The following CANX variants were observed in gnomAD, a reference collection of about 807,000 sequenced individuals.
CANX encodes epididymis secretory sperm binding protein.
In CANX, 14 loss-of-function variants were observed where a neutral mutation model predicts 75.7. The observed-to-expected ratio is 0.19, with a 90% CI of 0.12 to 0.29. The LOEUF (loss-of-function observed/expected upper bound fraction) is 0.29. CANX is among the 10% of genes least tolerant of loss of function. The probability of loss-of-function intolerance (pLI) is 1.00; values close to 1 mark genes in which losing one functional copy is unlikely to be tolerated. For synonymous variants in CANX, 227 were observed against 236.9 expected, an observed-to-expected ratio of 0.96 and a Z score of 0.38; for missense variants, 567 against 713.2, an observed-to-expected ratio of 0.79 and a Z score of 2.34.
rs1778238291 is a variant in CANX, at chr5:179,720,451, C to G, written c.1073C>G (p.Pro358Arg). ...GEWEAPQIAN[P>R]RCESAPGCGV... is the part of the protein sequence containing the mutation. ...TGGGAGGCTCCTCAGATTGCCAACC[C>G]TAGATGTGAGTCAGCTCCTGGATGT... Residue 358 changes from proline to arginine, a missense_variant, in exon 10 of 15, where the codon CCT becomes CGT. Transcript: ENST00000247461. 6.2e-7 allele frequency: 1 copy of G among 1,613,976 alleles called. No homozygotes were observed. Among genetic ancestry groups the G allele is most frequent in the African/African-American group, 1.3e-5 (1 of 75,044 alleles).
rs772588895 is a variant in CANX at position 179,719,470 on chromosome 5, TC to T, written c.912-197del. 2.0e-5 allele frequency among the ~76,000 whole-genome samples: 3 copies of T among 152,360 alleles called. No homozygotes were observed. In the East Asian group the frequency reaches 5.8e-4, roughly 29 times the overall value. On this transcript the variant is annotated intron_variant, in intron 8 of 14. Coordinates refer to ENST00000247461, the MANE Select transcript of CANX (RefSeq NM_001746.4). ...ATTTGCCCATTTTTAAATTGGGTTG[TC>T]TTTATATTATTGAGTTGTAAAGAGT...
chr5:179,718,674 A>G (rs1173133589), intron 8 of CANX, among the ~76,000 whole-genome samples: 2 of 152,050 alleles, frequency 1.3e-5, no homozygotes, highest in African/African-American at 4.8e-5. Context: ...GATTACAGGC[A>G]TGTGCCACCA....
chr5:179,683,624 C>T (rs1358437764), intron 1 of CANX, among the ~76,000 whole-genome samples: 1 of 151,920 alleles, frequency 6.6e-6, no homozygotes, highest in African/African-American at 2.4e-5. Flanking sequence ...ACCTCTGCCT[C>T]CTGGGTTCAA....
intron 1 of CANX, among the ~76,000 whole-genome samples, chr5:179,685,528 G>GT (rs1404117037): frequency 2.7e-5 from 4 of 145,792 alleles, no homozygotes; most frequent in Non-Finnish European, 6.0e-5. Flanking sequence ...GATTACAGGC[G>GT]TGAGCCACCG....
rs1354117557 is a variant in CANX at position 179,708,137 on chromosome 5, C to A, written c.305-102C>A. ...ATAGGTGTGAGCGACCACGGCTGCCCCAGTATAATATATTTATGCAACTAG... is the reference window on the plus strand; with the variant it reads ...ATAGGTGTGAGCGACCACGGCTGCCACAGTATAATATATTTATGCAACTAG... On this transcript the variant is annotated intron_variant, in intron 4 of 14. Transcript: ENST00000247461. 7 of 932,266 alleles carry A rather than the reference C, an allele frequency of 7.5e-6. No individual in the cohort carries two copies. In the Admixed American group the frequency reaches 1.2e-4, roughly 16 times the overall value. 57.7% of individuals were successfully genotyped at this position (932,266 alleles called of 1,614,324 possible).
intron 10 of CANX, among the ~76,000 whole-genome samples, chr5:179,721,245 C>T (rs1340185958): frequency 6.6e-6 from 1 of 151,416 alleles, no homozygotes; most frequent in African/African-American, 2.4e-5. Flanking sequence ...GTGCTCACCT[C>T]ACCTGGCTGA....
chr5:179,712,587 T>TC (rs1348162783), intron 7 of CANX, among the ~76,000 whole-genome samples: 7 of 142,868 alleles, frequency 4.9e-5, no homozygotes, highest in African/African-American at 1.6e-4. Flanking sequence ...CCTGGCTAAT[T>TC]TTTTTTTTTT....
chr5:179,727,435 A>G (rs1313224128), intron 14 of CANX, among the ~76,000 whole-genome samples: 1 of 152,256 alleles, frequency 6.6e-6, no homozygotes, highest in Non-Finnish European at 1.5e-5. Flanking sequence ...AAAGAGGTAG[A>G]GAACTTTTCC....
At chr5:179,716,322 G>A in intron 8 of CANX, 28 bp downstream of exon 8, 1 of 1,546,658 alleles carries the variant, frequency 6.5e-7, no homozygotes, top group Non-Finnish European at 8.9e-7. Context: ...GTCTTCAAGT[G>A]TAAGGGAGCA....
intron 1 of CANX, chr5:179,678,968 T>A (rs769343609): frequency 1.2e-5 from 19 of 1,535,694 alleles, no homozygotes; most frequent in Non-Finnish European, 1.5e-5. Flanking sequence ...GAGGCCCAGC[T>A]CGGCCTGGCG....
chr5:179,728,737 T>G lies in CANX; in HGVS notation c.*93T>G, dbSNP rs776237617. On this transcript the variant is annotated 3_prime_UTR_variant, in exon 15 of 15. Transcript: ENST00000247461. ...GACCTGGCACACCTTAGGTTGACAT[T>G]CAGAAAACTTCAAGACATCACCATC... is the stretch of plus-strand genomic sequence containing the variant. 1.2e-6 allele frequency: 1 copy of G among 835,392 alleles called. No homozygotes were observed. Among genetic ancestry groups the G allele is most frequent in the Non-Finnish European group, 2.1e-6 (1 of 483,890 alleles). The allele number at this position is 835,392 out of a possible 1,614,324, so 51.7% of individuals were successfully genotyped here.
At chr5:179,704,012 C>T (rs35320050) in intron 1 of CANX, 70,499 of 151,918 alleles carry the variant, frequency 0.46, 17,715 homozygotes, top group South Asian at 0.63. Flanking sequence ...TGTGTGTGTG[C>T]GCACACATTT....
intron 12 of CANX, 95 bp from the exon 13 acceptor site, chr5:179,724,562 C>A: frequency 1.0e-6 from 1 of 1,001,184 alleles, no homozygotes; most frequent in Non-Finnish European, 1.6e-6. Context: ...TCCCTGTATA[C>A]AGCCTGGAAC....
chr5:179,691,595 A>T (rs1239265710), intron 1 of CANX, among the ~76,000 whole-genome samples: 1 of 152,022 alleles, frequency 6.6e-6, no homozygotes, highest in Non-Finnish European at 1.5e-5. Context: ...CATGAAAGGG[A>T]GAATGAAGCA....
intron 1 of CANX, among the ~76,000 whole-genome samples, chr5:179,679,479 C>T (rs1031220856): frequency 2.0e-5 from 3 of 152,150 alleles, no homozygotes; most frequent in African/African-American, 7.2e-5. Flanking sequence ...CCCTGGGATA[C>T]ATATGCAGAT....
chr5:179,726,612 G>T, intron 13 of CANX, 68 bp from the exon 14 acceptor site: 2 of 1,008,604 alleles, frequency 2.0e-6, no homozygotes, highest in Non-Finnish European at 1.5e-6. Context: ...CTAGAGATGT[G>T]TTCTAATGCT....
intron 7 of CANX, among the ~76,000 whole-genome samples, chr5:179,710,951 G>A (rs1024896655): frequency 6.6e-6 from 1 of 151,948 alleles, no homozygotes; most frequent in Admixed American, 6.6e-5. Context: ...AGCTACTCGG[G>A]AGGCTGAGGC....
In CANX at chr5:179,730,143, AGTT is replaced by A. The variant is rs1778907752; in HGVS notation, c.*1503_*1505del. On this transcript the variant is annotated 3_prime_UTR_variant, in exon 15 of 15. Coordinates refer to ENST00000247461, the MANE Select transcript of CANX (RefSeq NM_001746.4). ...CAGAGTTAGATATTATTTTAGCTTC[AGTT>A]GTTCTTTAGAGGCTTTCAAATGTAC... 1 of 152,592 alleles carries A rather than the reference AGTT, an allele frequency of 6.6e-6. No homozygotes were observed. The highest frequency in any genetic ancestry group is 2.1e-4 in the South Asian group (1 of 4,830). 9.5% of individuals were successfully genotyped at this position (152,592 alleles called of 1,614,324 possible).
chr5:179,728,179 A>G (rs184763894), intron 14 of CANX, among the ~76,000 whole-genome samples: 1 of 152,316 alleles, frequency 6.6e-6, no homozygotes, highest in Admixed American at 6.5e-5. Context: ...AACTTGTGAT[A>G]GAGTACAGAG....
Sources: allele counts gnomAD v4.1 joint callset (sites outside exome capture counted in the v4.1 genomes callset), GRCh38; gene constraint gnomAD v4.1.1; transcripts MANE v1.5; gene names NCBI Gene and HGNC (gene_info 2026-07-23, HGNC 2026-07-21).